Variants in GET4 observed in about 807,000 individuals in gnomAD.
GET4 encodes the protein guided entry of tail-anchored proteins factor 4, also known as Golgi to ER traffic protein 4 homolog.
A neutral mutation model predicts 40.0 loss-of-function variants in GET4; 20 were observed. The observed-to-expected ratio is 0.50, with a 90% CI of 0.35 to 0.73. GET4 has a LOEUF of 0.73. GET4 is among the 30% of genes least tolerant of loss of function. The pLI, the probability that GET4 is intolerant of heterozygous loss-of-function variation, is 0.01. For synonymous variants in GET4, 280 were observed against 194.6 expected (o/e 1.44, Z -3.65); for missense variants, 557 against 454.0 (o/e 1.23, Z -2.06).
At chr7:891,490 G>A (rs772513830) in intron 5 of GET4, among the ~76,000 whole-genome samples, 5 of 149,334 alleles carry the variant, frequency 3.3e-5, no homozygotes, top group Non-Finnish European at 7.5e-5. Flanking sequence ...GCTCCTGCGT[G>A]GTCCCTTCCG....
At chr7:887,072 G>A (rs1844205773) in intron 3 of GET4, 1 of 614,996 alleles carries the variant, frequency 1.6e-6, no homozygotes, top group Non-Finnish European at 3.1e-6. Flanking sequence ...CCCCGGGCCA[G>A]AGCCAGGTAC....
intron 1 of GET4, chr7:880,224 C>T (rs1844056694): frequency 6.6e-6 from 1 of 152,302 alleles, no homozygotes; most frequent in Admixed American, 6.5e-5. Flanking sequence ...GCCTATAATC[C>T]CAGCTGCTCC....
chr7:877,038 C>A (rs1229715114), intron 1 of GET4, among the ~76,000 whole-genome samples: 2 of 151,726 alleles, frequency 1.3e-5, no homozygotes, highest in Non-Finnish European at 2.9e-5. Flanking sequence ...CTTCCTTCCC[C>A]TCTCCTGCGT....
intron 1 of GET4, chr7:882,285 C>T (rs920149986): frequency 6.6e-6 from 1 of 152,236 alleles, no homozygotes; most frequent in Non-Finnish European, 1.5e-5. Flanking sequence ...TTTACACTCC[C>T]ACCAGCAGGT....
chr7:885,925 C>A (rs1460799107), intron 1 of GET4, 131 bp from the exon 2 acceptor site: 1 of 686,578 alleles, frequency 1.5e-6, no homozygotes, highest in African/African-American at 1.8e-5. Flanking sequence ...CACCTGGGCC[C>A]TGGGAGCGGC....
At chr7:888,783 A>G (rs1844248192) in intron 4 of GET4, among the ~76,000 whole-genome samples, 1 of 152,186 alleles carries the variant, frequency 6.6e-6, no homozygotes. Flanking sequence ...TCCACACAGA[A>G]CACGGCCGCA....
chr7:884,230 G>A (rs1844143112), intron 1 of GET4: 9 of 1,304,066 alleles, frequency 6.9e-6, no homozygotes, highest in Non-Finnish European at 8.1e-6. Flanking sequence ...GGCCCCACTG[G>A]CGGCATCGTG....
intron 1 of GET4, chr7:883,628 G>A (rs775594231): frequency 1.7e-5 from 17 of 985,352 alleles, no homozygotes; most frequent in African/African-American, 7.0e-5. Flanking sequence ...TGGAAGGCAC[G>A]TCTGGGTGTC....
chr7:890,482 G>C (rs185386536), intron 4 of GET4, among the ~76,000 whole-genome samples: 90 of 152,074 alleles, frequency 5.9e-4, no homozygotes, highest in Non-Finnish European at 1.1e-3. Flanking sequence ...GTGTTCATGA[G>C]ATGTTGAGGG....
rs185562628 is a variant in GET4, at chr7:884,784, T to G, written c.156-1272T>G. On this transcript the variant is annotated intron_variant, in intron 1 of 8. Coordinates refer to ENST00000265857, the MANE Select transcript of GET4 (RefSeq NM_015949.3). ...CTTTATCACCTCCACTGCAATTGGTTTTTGTTTGTTTGTTTTGGGGGGATG... is the reference window on the plus strand; with the variant it reads ...CTTTATCACCTCCACTGCAATTGGTGTTTGTTTGTTTGTTTTGGGGGGATG... 7.5e-4 allele frequency: 119 copies of G among 158,854 alleles called. 2 individuals are homozygous for G. Among genetic ancestry groups the G allele is most frequent in the Non-Finnish European group, 8.3e-5 (6 of 72,174 alleles). 9.8% of individuals were successfully genotyped at this position (158,854 alleles called of 1,614,324 possible).
At position 886,036 on chromosome 7, in the gene GET4, C is replaced by G; in HGVS notation, c.156-20C>G. On this transcript the variant is annotated intron_variant, in intron 1 of 8. Transcript: ENST00000265857. ...GGCGAGGGCACGTGGGCGTGGCTCA[C>G]GGTCTCCTCTCTGTGGCAGGTACAT... The G allele has an allele frequency of 6.6e-7, 1 of 1,518,138 alleles. No individual in the cohort carries two copies. The highest frequency in any genetic ancestry group is 9.1e-7 in the Non-Finnish European group (1 of 1,094,184). 94.0% of individuals were successfully genotyped at this position (1,518,138 alleles called of 1,614,324 possible).
In GET4 at chr7:876,743, G is replaced by C; in HGVS notation, c.98G>C (p.Ser33Thr). The change falls in exon 1 of 9, where the codon AGC (serine) becomes ACC (threonine). Residue 33 changes from serine to threonine, a missense_variant. Ser to Thr is a moderately conservative substitution (Grantham distance 58, BLOSUM62 1). Coordinates refer to ENST00000265857, the MANE Select transcript of GET4 (RefSeq NM_015949.3). ...CGTGTGGAGGGCAAGCTGCGCGCCA[G>C]CGTCGAGAAGGGCGACTACTACGAG... ...VQRVEGKLRASVEKGDYYEAH... is the reference protein window; with the variant it reads ...VQRVEGKLRATVEKGDYYEAH... 5.8e-6 allele frequency: 8 copies of C among 1,374,212 alleles called. No homozygotes were observed. The highest frequency in any genetic ancestry group is 7.6e-6 in the Non-Finnish European group (8 of 1,049,420). The allele number at this position is 1,374,212 out of a possible 1,614,324, so 85.1% of individuals were successfully genotyped here.
intron 3 of GET4, 133 bp downstream of exon 3, chr7:886,783 C>T: frequency 3.0e-6 from 2 of 668,422 alleles, no homozygotes; most frequent in Non-Finnish European, 2.7e-6. Flanking sequence ...GCTGCAGAGG[C>T]AGTTCCCACC....
At chr7:888,485 TGAGC>T (rs1195281958) in intron 4 of GET4, among the ~76,000 whole-genome samples, 1 of 152,228 alleles carries the variant, frequency 6.6e-6, no homozygotes, top group African/African-American at 2.4e-5. Flanking sequence ...ACCTTCTCCC[TGAGC>T]GACAGGAATG....
chr7:889,617 T>G (rs977746140), intron 4 of GET4, among the ~76,000 whole-genome samples: 1 of 149,976 alleles, frequency 6.7e-6, no homozygotes, highest in Non-Finnish European at 1.5e-5. Context: ...AGGGCTGGGC[T>G]CCCAAGGCAT....
chr7:895,201 A>G (rs1415954352), intron 8 of GET4, 133 bp from the exon 9 acceptor site: 1 of 546,408 alleles, frequency 1.8e-6, no homozygotes, highest in East Asian at 3.1e-5. Flanking sequence ...TGGGTCGTAG[A>G]CAGTAGCGAT....
At chr7:884,153 T>C (rs1844140966) in intron 1 of GET4, 1 of 1,286,258 alleles carries the variant, frequency 7.8e-7, no homozygotes, top group Non-Finnish European at 1.0e-6. Flanking sequence ...TCCAGAACGC[T>C]GTAGTATCGG....
intron 1 of GET4, chr7:881,346 C>A (rs1844081768): frequency 6.6e-6 from 1 of 152,170 alleles, no homozygotes; most frequent in Non-Finnish European, 1.5e-5. Context: ...ACTCCCACCC[C>A]ACCCCACCCC....
chr7:896,428 C>G lies in GET4; in HGVS notation c.*1006C>G, dbSNP rs1211511213. ...ACCGTTGCGCATAAATAAACCCTTT[C>G]TACCGGGCTGTGCAACGCTGGTCCT... On this transcript the variant is annotated 3_prime_UTR_variant, in exon 9 of 9. Coordinates refer to ENST00000265857, the MANE Select transcript of GET4 (RefSeq NM_015949.3). The G allele has an allele frequency of 2.0e-5, 3 of 152,240 alleles. No individual in the cohort carries two copies. The highest frequency in any genetic ancestry group is 2.1e-4 in the South Asian group (1 of 4,834). The allele number at this position is 152,240 out of a possible 1,614,324, so 9.4% of individuals were successfully genotyped here.
Sources: allele counts gnomAD v4.1 joint callset (sites outside exome capture counted in the v4.1 genomes callset), GRCh38; gene constraint gnomAD v4.1.1; transcripts MANE v1.5; gene names NCBI Gene and HGNC (gene_info 2026-07-23, HGNC 2026-07-21).